The following RPTOR variants were observed in gnomAD, a reference collection of about 807,000 sequenced individuals.
RPTOR encodes the protein regulatory-associated protein of mTOR.
In RPTOR, 21 loss-of-function variants were observed where a neutral mutation model predicts 169.9. The ratio of observed to expected loss-of-function variants is 0.12; its 90% CI spans 0.09 to 0.18. RPTOR has a LOEUF of 0.18. RPTOR is among the 10% of genes least tolerant of loss of function. The pLI is 1.00. For synonymous variants in RPTOR, 732 were observed against 753.2 expected (o/e 0.97, Z 0.46); for missense variants, 1,133 against 1,855.9 (o/e 0.61, Z 7.16).
chr17:80,685,627 A>ATATATATTTTTTTTT (rs1269766086), intron 3 of RPTOR, among the ~76,000 whole-genome samples: 2 of 30,698 alleles, frequency 6.5e-5, no homozygotes, highest in Non-Finnish European at 1.1e-4. Flanking sequence ...ATATATATAT[A>ATATATATTTTTTTTT]TTTTTTTTTT....
At chr17:80,840,345 ACTCACCACACGGCAGCTCACT>A (rs1567941834) in intron 10 of RPTOR, among the ~76,000 whole-genome samples, 3 of 123,658 alleles carry the variant, frequency 2.4e-5, no homozygotes, top group Non-Finnish European at 5.1e-5. Flanking sequence ...GGCAGCTCAC[ACTCACCACACGGCAGCTCACT>A]CTCACCACAC....
At chr17:80,650,866 T>G (rs2065633857) in intron 3 of RPTOR, among the ~76,000 whole-genome samples, 1 of 152,178 alleles carries the variant, frequency 6.6e-6, no homozygotes, top group African/African-American at 2.4e-5. Context: ...ATAACTGCAT[T>G]CCTGACTCTT....
At chr17:80,782,218 G>A (rs1224765559) in intron 6 of RPTOR, among the ~76,000 whole-genome samples, 1 of 152,126 alleles carries the variant, frequency 6.6e-6, no homozygotes, top group Non-Finnish European at 1.5e-5. Context: ...TCCACCCTGT[G>A]AACACACGTG....
chr17:80,800,568 C>G (rs908147538), intron 7 of RPTOR, among the ~76,000 whole-genome samples: 1 of 152,116 alleles, frequency 6.6e-6, no homozygotes, highest in Non-Finnish European at 1.5e-5. Flanking sequence ...GAACCTTCCT[C>G]GAGCGACCCC....
At chr17:80,570,833 C>T (rs1042252721) in intron 1 of RPTOR, among the ~76,000 whole-genome samples, 2 of 152,038 alleles carry the variant, frequency 1.3e-5, no homozygotes, top group Admixed American at 6.6e-5. Context: ...CCTAATTATC[C>T]CCCCCAGTGG....
rs533955641 is a variant in RPTOR at position 80,840,141 on chromosome 17, C to T, written c.1212+2144C>T. ...CCCAAATCAAGCAGCCCCATGAGCC[C>T]CCTCGGCGCCCCTCTTAGCTCCTCC... On this transcript the variant is annotated intron_variant, in intron 10 of 33. Transcript: ENST00000306801. Among the ~76,000 whole-genome samples, 24 of 152,302 alleles carry T rather than the reference C, an allele frequency of 1.6e-4. 1 individual carries two copies. The South Asian group carries it at 5.0e-3, about 32-fold the overall frequency.
chr17:80,834,555 C>T (rs1292597447), intron 9 of RPTOR, among the ~76,000 whole-genome samples: 1 of 152,178 alleles, frequency 6.6e-6, no homozygotes, highest in Non-Finnish European at 1.5e-5. Context: ...CCCCGCCTCC[C>T]ACCCCGGGGC....
At chr17:80,919,839 G>A (rs559364468) in intron 21 of RPTOR, among the ~76,000 whole-genome samples, 7 of 152,352 alleles carry the variant, frequency 4.6e-5, no homozygotes, top group East Asian at 1.9e-4. Flanking sequence ...TACAGCTGCC[G>A]TCCTCTCTGG....
rs573949201 is a variant in RPTOR, at chr17:80,726,941, A to G, written c.508-3619A>G. The stretch of plus-strand genomic sequence containing the variant: ...GAAGTGGGTGGGGGAGGAGAGGAGC[A>G]TGCTTCCCCCAACCCCTGGGGACCT... On this transcript the variant is annotated intron_variant, in intron 4 of 33. Coordinates refer to ENST00000306801, the MANE Select transcript of RPTOR (RefSeq NM_020761.3). The surrounding 1 kb of genome is among the most constrained non-coding windows in gnomAD (Gnocchi z 4.5). Among the ~76,000 whole-genome samples the G allele has an allele frequency of 1.3e-5, 2 of 152,218 alleles. No homozygotes were observed. The highest frequency in any genetic ancestry group is 4.8e-5 in the African/African-American group (2 of 41,536).
At chr17:80,733,606 A>G (rs892568442) in intron 5 of RPTOR, among the ~76,000 whole-genome samples, 4 of 152,210 alleles carry the variant, frequency 2.6e-5, no homozygotes, top group African/African-American at 9.6e-5. Context: ...GTCTTAGGGT[A>G]CAAACCAAGA....
In RPTOR at chr17:80,929,730, C is replaced by T. The variant is rs144720895; in HGVS notation, c.2919+4250C>T. Among the ~76,000 whole-genome samples the T allele has an allele frequency of 3.2e-3, 491 of 152,310 alleles. 2 individuals are homozygous for T. The highest frequency in any genetic ancestry group is 5.4e-3 in the Non-Finnish European group (366 of 68,014). On this transcript the variant is annotated intron_variant, in intron 24 of 33. Transcript: ENST00000306801. Reference sequence around the variant, plus strand: ...AGAAACTCAGGCAGTGAAGGAGCGACTTGAGATGGCCATAGTCCCCACGCA... The same window carrying T: ...AGAAACTCAGGCAGTGAAGGAGCGATTTGAGATGGCCATAGTCCCCACGCA...
intron 14 of RPTOR, among the ~76,000 whole-genome samples, chr17:80,881,629 G>T (rs1028137656): frequency 6.6e-6 from 1 of 152,176 alleles, no homozygotes; most frequent in Non-Finnish European, 1.5e-5. Flanking sequence ...GACCAGCCTG[G>T]GCGACATGGT....
At chr17:80,763,604 C>T (rs115392579) in intron 6 of RPTOR, among the ~76,000 whole-genome samples, 133 of 152,264 alleles carry the variant, frequency 8.7e-4, no homozygotes, top group African/African-American at 2.9e-3. Context: ...CTTTTGTCAC[C>T]GAATTAATTA....
chr17:80,679,107 G>A (rs556417601), intron 3 of RPTOR, among the ~76,000 whole-genome samples: 6 of 152,166 alleles, frequency 3.9e-5, no homozygotes, highest in Admixed American at 1.3e-4. Flanking sequence ...TCTGCCGGGC[G>A]CAGCGGCTAC....
At chr17:80,625,571 T>C in intron 1 of RPTOR, 120 bp from the exon 2 acceptor site, 1 of 729,850 alleles carries the variant, frequency 1.4e-6, no homozygotes, top group Non-Finnish European at 2.3e-6. Context: ...GAGGACTGGC[T>C]GGAGGGCAGG....
At position 80,957,549 on chromosome 17, in the gene RPTOR, G is replaced by A; in HGVS notation, c.3371-75G>A. ...CCTTGTAGCTGCTGGCCAAATTGCT[G>A]CCCAGAGCAGGCCCCAAAGCCTGCC... is the stretch of plus-strand genomic sequence containing the variant. On this transcript the variant is annotated intron_variant, in intron 28 of 33. Transcript: ENST00000306801. The surrounding 1 kb of genome is among the most constrained non-coding windows in gnomAD (Gnocchi z 4.6). 2 of 1,415,414 alleles carry A rather than the reference G, an allele frequency of 1.4e-6. No homozygotes were observed. The highest frequency in any genetic ancestry group is 2.0e-6 in the Non-Finnish European group (2 of 1,001,164). 87.7% of individuals were successfully genotyped at this position (1,415,414 alleles called of 1,614,324 possible). A position where few individuals can be genotyped will look rare whatever the true frequency, so the allele number is the denominator to read the frequency against.
chr17:80,855,608 G>A (rs985474299), intron 12 of RPTOR, 61 bp downstream of exon 12: 2 of 1,247,270 alleles, frequency 1.6e-6, no homozygotes, highest in African/African-American at 2.9e-5. Context: ...TAGGCTCCGT[G>A]TTTCAGTCTG....
chr17:80,925,292 C>A, intron 23 of RPTOR, 78 bp from the exon 24 acceptor site: 1 of 1,263,860 alleles, frequency 7.9e-7, no homozygotes, highest in Non-Finnish European at 1.1e-6. Flanking sequence ...TCCCCAGCTG[C>A]AGCTCTTTTG....
chr17:80,702,976 C>A (rs1341413836), intron 3 of RPTOR, among the ~76,000 whole-genome samples: 1 of 152,208 alleles, frequency 6.6e-6, no homozygotes, highest in Non-Finnish European at 1.5e-5. Context: ...AGGCACTTGA[C>A]AATTTCACTA....
Sources: gnomAD v4.1 joint callset for allele counts (sites outside exome capture counted in the v4.1 genomes callset) on GRCh38, gnomAD v4.1.1 for gene constraint, Gnocchi (gnomAD v3.1) non-coding constraint, MANE v1.5 for transcripts, NCBI Gene and HGNC (gene_info 2026-07-23, HGNC 2026-07-21) for gene names.